AIFM3: variants seen among roughly 807,000 people sequenced by gnomAD.
AIFM3 encodes the protein apoptosis-inducing factor 3.
In AIFM3, 71 loss-of-function variants were observed where a neutral mutation model predicts 82.7. That is an observed-to-expected ratio of 0.86 (90% CI 0.71 to 1.05). The LOEUF is 1.05. Ranked by LOEUF, AIFM3 falls within the 50% of genes least tolerant of loss-of-function variation. The probability of loss-of-function intolerance (pLI) is 0.00; values close to 1 mark genes in which losing one functional copy is unlikely to be tolerated. For missense variants in AIFM3, 748 were observed against 816.7 expected (o/e 0.92, Z 1.03); for synonymous variants, 337 against 329.1 (o/e 1.02, Z -0.26).
Position 20,967,837 on chromosome 22 carries a change from CAGCG to C in AIFM3, c.-107_-104del. 1 of 1,249,322 alleles carries C rather than the reference CAGCG, an allele frequency of 8.0e-7. No homozygotes were observed. 77.4% of individuals were successfully genotyped at this position (1,249,322 alleles called of 1,614,324 possible). On this transcript the variant is annotated 5_prime_UTR_variant, in exon 2 of 21. An upstream open reading frame in the 5' UTR gains an earlier in-frame stop. Coordinates refer to ENST00000440238, the MANE Select transcript of AIFM3 (RefSeq NM_001386814.1). The stretch of plus-strand genomic sequence containing the variant: ...AGCAGCTCCAGCAGGATGGCGGCTC[CAGCG>C]TCTCTAAGGCCTGCAGGGGGTCCAG...
At chr22:20,965,786 C>T (rs1208614471), upstream of AIFM3, among the ~76,000 whole-genome samples, 2 of 152,030 alleles carry the variant, frequency 1.3e-5, no homozygotes, top group African/African-American at 4.8e-5. Context: ...GCGCCAGGAG[C>T]CCTGGGAGGG....
Position 20,974,046 on chromosome 22 carries a change from A to T in AIFM3, c.356-17A>T. On this transcript the variant is annotated splice_polypyrimidine_tract_variant and intron_variant, in intron 4 of 20. Coordinates refer to ENST00000440238, the MANE Select transcript of AIFM3 (RefSeq NM_001386814.1). ...AACCCCTGCTGGTGGGCGCAGCCTA[A>T]CACCTCCCCTTCCCAGGCGTTCTGT... is the stretch of plus-strand genomic sequence containing the variant. The T allele has an allele frequency of 6.3e-7, 1 of 1,593,732 alleles. No homozygotes were observed. The highest frequency in any genetic ancestry group is 1.1e-5 in the South Asian group (1 of 88,106).
Position 20,976,435 on chromosome 22 carries a change from A to G in AIFM3, c.927A>G (p.Lys309=), listed in dbSNP as rs888968075. 1.4e-5 allele frequency: 22 copies of G among 1,613,978 alleles called. No homozygotes were observed. Among genetic ancestry groups the G allele is most frequent in the Non-Finnish European group, 1.8e-5 (21 of 1,180,044 alleles). Residue 309 remains lysine, a synonymous_variant, in exon 11 of 21, where the codon AAA becomes AAG. Transcript: ENST00000440238. ...SSPKTLSCKG[K]EVENVFTIRT... ...CCAAGACTCTGAGCTGCAAAGGCAA[A>G]GAAGTGGAGAACGTGTTCACTATCC... is the stretch of plus-strand genomic sequence containing the variant.
Position 20,977,808 on chromosome 22 carries a change from C to G in AIFM3, c.1359+32C>G, listed in dbSNP as rs368158808. The G allele has an allele frequency of 3.7e-6, 6 of 1,613,928 alleles. No homozygotes were observed. In the South Asian group the frequency reaches 6.6e-5, roughly 18 times the overall value. On this transcript the variant is annotated intron_variant, in intron 15 of 20. Coordinates refer to ENST00000440238, the MANE Select transcript of AIFM3 (RefSeq NM_001386814.1). ...TGGATGGCACTGGGTGGGGAGGACC[C>G]GGTGCTGGGCTGGGAGTGGCAGGAG...
chr22:20,978,192 C>G (rs1328695667), intron 16 of AIFM3, among the ~76,000 whole-genome samples, 187 bp downstream of exon 16: 2 of 152,164 alleles, frequency 1.3e-5, no homozygotes, highest in African/African-American at 4.8e-5. Flanking sequence ...CCCCACTGAG[C>G]CAGCCATAGC....
chr22:20,976,951 C>T lies in AIFM3; in HGVS notation c.1218+13C>T. 1 of 1,612,950 alleles carries T rather than the reference C, an allele frequency of 6.2e-7. No individual in the cohort carries two copies. The highest frequency in any genetic ancestry group is 8.5e-7 in the Non-Finnish European group (1 of 1,179,088). ...CCAGGAGGGAAAGGTGGGCCCTTCT[C>T]CCTTCTCCCTGCTGCTTTCTGTCCT... On this transcript the variant is annotated intron_variant, in intron 13 of 20. Coordinates refer to ENST00000440238, the MANE Select transcript of AIFM3 (RefSeq NM_001386814.1).
At chr22:20,976,613 G>A (rs1213408086) in intron 11 of AIFM3, 38 bp from the exon 12 acceptor site, 1 of 1,612,790 alleles carries the variant, frequency 6.2e-7, no homozygotes, top group African/African-American at 1.3e-5. Flanking sequence ...GTCGAGGAAG[G>A]TGCAGGTGCC....
At chr22:20,977,357 C>T (rs185198636) in intron 14 of AIFM3, 15 of 608,876 alleles carry the variant, frequency 2.5e-5, no homozygotes, top group East Asian at 5.6e-5. Flanking sequence ...TTGACATAGA[C>T]GAGACTCGAA....
intron 2 of AIFM3, among the ~76,000 whole-genome samples, chr22:20,971,345 G>T (rs1425650952): frequency 1.3e-5 from 2 of 152,220 alleles, no homozygotes; most frequent in Non-Finnish European, 2.9e-5. Flanking sequence ...CATCCTCCCT[G>T]CTGGGCTGGG....
intron 2 of AIFM3, among the ~76,000 whole-genome samples, chr22:20,970,285 C>G (rs1002215285): frequency 2.6e-5 from 4 of 152,186 alleles, no homozygotes; most frequent in African/African-American, 9.6e-5. Context: ...GCTGTTCTCT[C>G]TGTTTTATTT....
chr22:20,965,478 C>T (rs1208741476), upstream of AIFM3: 1 of 152,576 alleles, frequency 6.6e-6, no homozygotes, highest in Non-Finnish European at 1.5e-5. Flanking sequence ...GCTGCAAGGT[C>T]TGGCGGGGGC....
rs767768802 is a variant in AIFM3, at chr22:20,967,938, A to G, written c.-7A>G. 1.2e-6 allele frequency: 2 copies of G among 1,613,996 alleles called. No individual in the cohort carries two copies. Among genetic ancestry groups the G allele is most frequent in the South Asian group, 1.1e-5 (1 of 91,078 alleles). ...CCTGCCTGCCGGCCATCCTCAGGCC[A>G]CTCGCCATGGGCGGCTGCTTCTCCA... On this transcript the variant is annotated 5_prime_UTR_variant, in exon 2 of 21. Transcript: ENST00000440238.
At chr22:20,969,450 A>T (rs540872542) in intron 2 of AIFM3, among the ~76,000 whole-genome samples, 14 of 149,250 alleles carry the variant, frequency 9.4e-5, no homozygotes, top group African/African-American at 3.3e-4. Flanking sequence ...TTTTTTTTTG[A>T]GACAGAGTTC....
chr22:20,977,845 G>A (rs781388576), intron 15 of AIFM3, 43 bp from the exon 16 acceptor site: 15 of 1,613,856 alleles, frequency 9.3e-6, no homozygotes, highest in Non-Finnish European at 1.2e-5. Flanking sequence ...TTCAGGTCAG[G>A]GCCCCTGTCA....
intron 19 of AIFM3, 44 bp from the exon 20 acceptor site, chr22:20,980,703 T>C: frequency 6.2e-7 from 1 of 1,613,964 alleles, no homozygotes; most frequent in South Asian, 1.1e-5. Flanking sequence ...TGACATGCTC[T>C]CTCCTTGGCC....
rs754220082 is a variant in AIFM3, at chr22:20,979,326, C to T, written c.1533C>T (p.Pro511=). 1.3e-6 allele frequency: 2 copies of T among 1,560,220 alleles called. No homozygotes were observed. Among genetic ancestry groups the T allele is most frequent in the South Asian group, 2.4e-5 (2 of 84,718 alleles). ...AGGAGGCGGAGATGAGCACTGTGCC[C>T]TACCTCTGGACCGCCATGTTTGGCA... ...LAQEAEMSTV[P]YLWTAMFGKS... The change falls in exon 17 of 21, where the codon CCC becomes CCT. Residue 511 remains proline (P), a synonymous_variant. Transcript: ENST00000440238.
intron 2 of AIFM3, among the ~76,000 whole-genome samples, chr22:20,972,683 G>T (rs1338410137): frequency 1.3e-5 from 2 of 152,294 alleles, no homozygotes; most frequent in East Asian, 3.9e-4. Flanking sequence ...TGCCACAGAG[G>T]TTTCTGCAGC....
intron 2 of AIFM3, among the ~76,000 whole-genome samples, chr22:20,968,734 C>A (rs1039083070): frequency 5.9e-5 from 9 of 152,070 alleles, no homozygotes; most frequent in African/African-American, 2.2e-4. Flanking sequence ...GGTGGAGAAA[C>A]TGAGGCTTAG....
At chr22:20,975,210 G>A (rs1440923110) in intron 8 of AIFM3, among the ~76,000 whole-genome samples, 1 of 150,706 alleles carries the variant, frequency 6.6e-6, no homozygotes, top group Admixed American at 6.6e-5. Context: ...CAGCCCATCC[G>A]CCCACCTCAG....
Sources: gnomAD v4.1 joint callset for allele counts (sites outside exome capture counted in the v4.1 genomes callset) on GRCh38, gnomAD v4.1.1 for gene constraint, MANE v1.5 for transcripts, NCBI Gene and HGNC (gene_info 2026-07-23, HGNC 2026-07-21) for gene names.